The following NME7 variants were observed in gnomAD, a reference collection of about 807,000 sequenced individuals.
NME7 encodes NME/NM23 family member 7.
In NME7, 41 loss-of-function variants were observed where a neutral mutation model predicts 49.1. The ratio of observed to expected loss-of-function variants is 0.83; its 90% CI spans 0.65 to 1.08. NME7 has a LOEUF of 1.08. Among genes scored for constraint, NME7 ranks in the 50% least tolerant of loss-of-function variants. The pLI is 0.00. For missense variants in NME7, 423 were observed against 463.4 expected, an observed-to-expected ratio of 0.91 and a Z score of 0.80; for synonymous variants, 139 against 150.6, an observed-to-expected ratio of 0.92 and a Z score of 0.56.
rs1013062895 is a variant in NME7 at position 169,175,396 on chromosome 1, C to T, written c.991-5842G>A. 6.3e-4 allele frequency among the ~76,000 whole-genome samples: 95 copies of T among 151,986 alleles called. 1 individual carries two copies. Among genetic ancestry groups the T allele is most frequent in the African/African-American group, 2.2e-3 (89 of 41,338 alleles). On this transcript the variant is annotated intron_variant, in intron 10 of 11. Transcript: ENST00000367811. ...GTAGAAAAAGTATACTCTAAAACAA[C>T]GATAAAAAGTATAGTAAATATGTAA...
chr1:169,326,651 T>G (rs1170727443), intron 1 of NME7, among the ~76,000 whole-genome samples: 1 of 152,212 alleles, frequency 6.6e-6, no homozygotes, highest in Non-Finnish European at 1.5e-5. Flanking sequence ...GGGAAAAGGT[T>G]TATTACTCCA....
At position 169,258,617 on chromosome 1, in the gene NME7, C is replaced by G. The variant is rs566238414; in HGVS notation, c.755-20930G>C. On this transcript the variant is annotated intron_variant, in intron 7 of 11. Transcript: ENST00000367811. Reference sequence around the variant, plus strand: ...TTAAATGGCTCTGATTCCCTCAGCACTGGCAAGGCTTATATTGCCATTCAT... The same window carrying G: ...TTAAATGGCTCTGATTCCCTCAGCAGTGGCAAGGCTTATATTGCCATTCAT... Among the ~76,000 whole-genome samples, 5 of 130,766 alleles carry G rather than the reference C, an allele frequency of 3.8e-5. 1 individual carries two copies. In the South Asian group the frequency reaches 1.2e-3, roughly 31 times the overall value. The allele number at this position is 130,766 out of a possible 152,430, so 85.8% of individuals were successfully genotyped here. A position where few individuals can be genotyped will look rare whatever the true frequency, so the allele number is the denominator to read the frequency against.
intron 1 of NME7, among the ~76,000 whole-genome samples, chr1:169,354,235 T>C (rs1339048411): frequency 6.6e-6 from 1 of 152,080 alleles, no homozygotes; most frequent in Non-Finnish European, 1.5e-5. Context: ...GATTCTGTCA[T>C]TTGCAAAAAC....
intron 11 of NME7, chr1:169,169,146 C>A: frequency 2.4e-6 from 1 of 421,600 alleles, no homozygotes; most frequent in Non-Finnish European, 4.5e-6. Flanking sequence ...AGTCCAAAAT[C>A]ATCAGATGGC....
chr1:169,151,475 G>A (rs1303772670), intron 11 of NME7, among the ~76,000 whole-genome samples: 1 of 152,136 alleles, frequency 6.6e-6, no homozygotes, highest in East Asian at 1.9e-4. Context: ...CCTACTGGAG[G>A]TGGAGGGATT....
At chr1:169,323,384 T>G (rs1651929895) in intron 2 of NME7, 101 bp from the exon 3 acceptor site, 1 of 952,028 alleles carries the variant, frequency 1.1e-6, no homozygotes, top group Non-Finnish European at 1.5e-6. Flanking sequence ...TTCTGTCTTA[T>G]CAAAGATAGG....
intron 11 of NME7, among the ~76,000 whole-genome samples, chr1:169,152,926 C>T (rs201532564): frequency 6.6e-6 from 1 of 152,124 alleles, no homozygotes; most frequent in African/African-American, 2.4e-5. Context: ...AAACTCCCAT[C>T]CAGCATTTAC....
chr1:169,304,126 G>A (rs1418716179), intron 4 of NME7, among the ~76,000 whole-genome samples: 2 of 152,120 alleles, frequency 1.3e-5, no homozygotes, highest in Admixed American at 1.3e-4. Context: ...TTTATTAATT[G>A]TAACAGGGAT....
At chr1:169,134,072 C>T (rs926684961) in intron 11 of NME7, among the ~76,000 whole-genome samples, 6 of 152,284 alleles carry the variant, frequency 3.9e-5, no homozygotes, top group African/African-American at 1.4e-4. Flanking sequence ...ATTGTGCCAA[C>T]CTATTTCCCA....
At chr1:169,175,540 A>G (rs562198053) in intron 10 of NME7, among the ~76,000 whole-genome samples, 2 of 152,280 alleles carry the variant, frequency 1.3e-5, no homozygotes, top group East Asian at 3.9e-4. Context: ...CATCACCACA[A>G]ACACGTGAGT....
At chr1:169,367,282 G>A (rs1359653325) in intron 1 of NME7, among the ~76,000 whole-genome samples, 1 of 152,160 alleles carries the variant, frequency 6.6e-6, no homozygotes, top group Non-Finnish European at 1.5e-5. Flanking sequence ...GCAGTGCTCT[G>A]CCACTCAGAA....
At chr1:169,168,783 C>CTA (rs963058002) in intron 11 of NME7, 4 of 439,882 alleles carry the variant, frequency 9.1e-6, no homozygotes, top group African/African-American at 6.2e-5. Flanking sequence ...AGACTAGTAT[C>CTA]TATATATATG....
chr1:169,208,262 G>T (rs1213229471), intron 10 of NME7, among the ~76,000 whole-genome samples: 1 of 151,958 alleles, frequency 6.6e-6, no homozygotes, highest in Admixed American at 6.6e-5. Flanking sequence ...AATTCCTCTG[G>T]CTCAGCAAAG....
intron 10 of NME7, among the ~76,000 whole-genome samples, chr1:169,185,542 C>T (rs972139883): frequency 6.6e-5 from 10 of 152,138 alleles, no homozygotes; most frequent in East Asian, 1.9e-4. Context: ...TTTCCCTTAG[C>T]TTGTTTTTCC....
chr1:169,366,246 T>C (rs1246442498), intron 1 of NME7, among the ~76,000 whole-genome samples: 1 of 152,222 alleles, frequency 6.6e-6, no homozygotes, highest in Non-Finnish European at 1.5e-5. Flanking sequence ...ACAAAGAGAC[T>C]AAGTAATGTA....
chr1:169,135,530 G>A (rs1192255935), intron 11 of NME7, among the ~76,000 whole-genome samples: 1 of 152,212 alleles, frequency 6.6e-6, no homozygotes, highest in Non-Finnish European at 1.5e-5. Flanking sequence ...TTTTAATTGA[G>A]TGAATAAAGT....
chr1:169,246,638 C>T (rs1213154432), intron 7 of NME7, among the ~76,000 whole-genome samples: 3 of 151,958 alleles, frequency 2.0e-5, no homozygotes, highest in African/African-American at 7.3e-5. Context: ...GAGGTGGGGC[C>T]TTGCTATGTT....
intron 7 of NME7, chr1:169,283,735 G>A (rs1025719446): frequency 3.3e-5 from 5 of 152,116 alleles, no homozygotes; most frequent in Non-Finnish European, 7.4e-5. Context: ...GAAATTCTGG[G>A]TTGAAAATTC....
At chr1:169,180,546 C>T (rs1659895186) in intron 10 of NME7, among the ~76,000 whole-genome samples, 2 of 152,158 alleles carry the variant, frequency 1.3e-5, no homozygotes, top group African/African-American at 4.8e-5. Flanking sequence ...CTATGATTCC[C>T]TTTAAAGTTG....
Sources: gnomAD v4.1 joint callset for allele counts (sites outside exome capture counted in the v4.1 genomes callset) on GRCh38, gnomAD v4.1.1 for gene constraint, MANE v1.5 for transcripts, NCBI Gene and HGNC (gene_info 2026-07-23, HGNC 2026-07-21) for gene names.